CIMAP2: variants seen among roughly 807,000 people sequenced by gnomAD.
CIMAP2 encodes the protein ciliary microtubule-associated protein 2.
At chr1:54,839,127 G>C in the CIMAP2 span, among the ~76,000 whole-genome samples, 1 of 63,738 alleles carries the variant, frequency 1.6e-5, no homozygotes, top group African/African-American at 3.6e-5. Context: ...CTTCCAGGGA[G>C]GAGAAAAAAA....
the CIMAP2 span, among the ~76,000 whole-genome samples, chr1:54,828,850 T>A: frequency 3.9e-3 from 595 of 152,140 alleles, 7 homozygotes; most frequent in African/African-American, 0.013. Context: ...ATTGGAAAAA[T>A]ATTAAATCTT....
At chr1:54,811,765 G>GCCGGGGGGGGGGGGGGGCGGGGCCCCC in the CIMAP2 span, 1 of 1,301,332 alleles carries the variant, frequency 7.7e-7, no homozygotes, top group Non-Finnish European at 1.1e-6. Context: ...GGTTCTGACA[G>GCCGGGGGGGGGGGGGGGCGGGGCCCCC]CCTCCATGCC....
At chr1:54,832,292 A>G in the CIMAP2 span, among the ~76,000 whole-genome samples, 8 of 152,246 alleles carry the variant, frequency 5.3e-5, no homozygotes, top group African/African-American at 9.6e-5. Flanking sequence ...TTTATTCCAC[A>G]TTATTTTCAG....
the CIMAP2 span, among the ~76,000 whole-genome samples, chr1:54,814,177 T>G: frequency 1.3e-5 from 2 of 152,118 alleles, no homozygotes; most frequent in Non-Finnish European, 1.5e-5. Context: ...CCTATGAAGA[T>G]GGTGAAGTGG....
At chr1:54,822,765 C>A in the CIMAP2 span, among the ~76,000 whole-genome samples, 1 of 152,210 alleles carries the variant, frequency 6.6e-6, no homozygotes, top group African/African-American at 2.4e-5. Context: ...TTCAGCCTCT[C>A]AAAGTGCTGG....
At chr1:54,812,737 CTGTTTA>C in the CIMAP2 span, among the ~76,000 whole-genome samples, 2 of 152,088 alleles carry the variant, frequency 1.3e-5, no homozygotes, top group African/African-American at 2.4e-5. Context: ...GTCTAATTGC[CTGTTTA>C]TGTTGTCTCC....
chr1:54,811,765 G>GCCGGGGGGGGGGGGGGGGCCCCCC, the CIMAP2 span: 6 of 1,301,322 alleles, frequency 4.6e-6, no homozygotes, highest in Non-Finnish European at 3.3e-6. Context: ...GGTTCTGACA[G>GCCGGGGGGGGGGGGGGGGCCCCCC]CCTCCATGCC....
At chr1:54,811,767 CTCCA>C in the CIMAP2 span, 24 of 1,088,120 alleles carry the variant, frequency 2.2e-5, no homozygotes, top group Non-Finnish European at 3.1e-5. Flanking sequence ...TTCTGACAGC[CTCCA>C]TGCCCCCACC....
the CIMAP2 span, among the ~76,000 whole-genome samples, chr1:54,815,592 A>G: frequency 2.0e-5 from 3 of 152,026 alleles, no homozygotes; most frequent in African/African-American, 7.3e-5. Flanking sequence ...GCCATCCCCA[A>G]GTGTGCGATG....
the CIMAP2 span, among the ~76,000 whole-genome samples, chr1:54,809,062 A>G: frequency 3.4e-5 from 1 of 29,622 alleles, no homozygotes; most frequent in Non-Finnish European, 8.2e-5. Flanking sequence ...AGGTTCTTGC[A>G]GTGCCTGGCA....
the CIMAP2 span, chr1:54,811,736 C>T: frequency 7.0e-7 from 1 of 1,428,810 alleles, no homozygotes; most frequent in Middle Eastern, 2.4e-4. Context: ...GTTCCTCAGG[C>T]ACACTCAGCA....
chr1:54,811,765 G>GCCGGGGGGGGGGGGGCCCCCCCCCCC, the CIMAP2 span: 26 of 1,301,264 alleles, frequency 2.0e-5, no homozygotes, highest in East Asian at 9.9e-5. Flanking sequence ...GGTTCTGACA[G>GCCGGGGGGGGGGGGGCCCCCCCCCCC]CCTCCATGCC....
the CIMAP2 span, among the ~76,000 whole-genome samples, chr1:54,838,347 G>A: frequency 0.75 from 113,433 of 151,748 alleles, 43,651 homozygotes; most frequent in Middle Eastern, 0.85. Flanking sequence ...GCCGGGTGCG[G>A]TGGTGGGTGC....
At chr1:54,814,785 C>A in the CIMAP2 span, 2 of 1,344,960 alleles carry the variant, frequency 1.5e-6, no homozygotes, top group African/African-American at 1.5e-5. Flanking sequence ...GGTACCTCCA[C>A]CGTCCTTGGC....
chr1:54,807,907 G>T, the CIMAP2 span: 936,095 of 1,592,650 alleles, frequency 0.59, 278,850 homozygotes, highest in South Asian at 0.66. Context: ...GCTGGGCCCC[G>T]GCTCCTACAA....
At chr1:54,815,103 G>C in the CIMAP2 span, 1 of 1,594,740 alleles carries the variant, frequency 6.3e-7, no homozygotes, top group African/African-American at 1.3e-5. Flanking sequence ...CAACACCAAA[G>C]CCTCTTTGTC....
the CIMAP2 span, among the ~76,000 whole-genome samples, chr1:54,823,345 C>CT: frequency 2.3e-4 from 34 of 146,112 alleles, no homozygotes; most frequent in South Asian, 1.1e-3. Flanking sequence ...TTTTTATGTT[C>CT]TTTTTTTTTT....
the CIMAP2 span, chr1:54,808,031 G>A: frequency 2.0e-6 from 3 of 1,530,802 alleles, no homozygotes; most frequent in East Asian, 7.1e-5. Context: ...CTCATGTCTG[G>A]AGTCCCAAGC....
the CIMAP2 span, chr1:54,811,765 G>GCGGGGGGGGGGGGGGGGCCCCCCCCCCCC: frequency 7.7e-7 from 1 of 1,301,324 alleles, no homozygotes; most frequent in Non-Finnish European, 1.1e-6. Flanking sequence ...GGTTCTGACA[G>GCGGGGGGGGGGGGGGGGCCCCCCCCCCCC]CCTCCATGCC....
Sources: gnomAD v4.1 joint callset for allele counts (sites outside exome capture counted in the v4.1 genomes callset) on GRCh38, gnomAD v4.1.1 for gene constraint, MANE v1.5 for transcripts, NCBI Gene and HGNC (gene_info 2026-07-23, HGNC 2026-07-21) for gene names.